Variants in SCN11A observed in about 807,000 individuals in gnomAD.
The protein encoded by SCN11A is sodium voltage-gated channel alpha subunit 11.
Under a neutral mutation model 162.2 loss-of-function variants are expected in SCN11A, and 122 were observed. That is an observed-to-expected ratio of 0.75 (90% CI 0.65 to 0.87). The LOEUF is 0.87. Ranked by LOEUF, SCN11A falls within the 40% of genes least tolerant of loss-of-function variation. SCN11A has a pLI of 0.00. For missense variants in SCN11A, 2,015 were observed against 2,181.6 expected (o/e 0.92, Z 1.52); for synonymous variants, 758 against 751.5 (o/e 1.01, Z -0.14).
At chr3:39,032,820 C>A (rs1356276774) in intron 1 of SCN11A, among the ~76,000 whole-genome samples, 1 of 152,028 alleles carries the variant, frequency 6.6e-6, no homozygotes, top group African/African-American at 2.4e-5. Context: ...GAAATGGGTA[C>A]CATTTTTATT....
At chr3:39,037,027 T>C (rs1426889422) in intron 1 of SCN11A, among the ~76,000 whole-genome samples, 2 of 152,232 alleles carry the variant, frequency 1.3e-5, no homozygotes, top group Non-Finnish European at 2.9e-5. Context: ...TGCACTCTCA[T>C]GTTTATTGCA....
intron 2 of SCN11A, among the ~76,000 whole-genome samples, chr3:38,999,012 CT>C (rs2030733152): frequency 6.6e-6 from 1 of 151,824 alleles, no homozygotes; most frequent in Non-Finnish European, 1.5e-5. Context: ...ACATATGTAA[CT>C]AACCTGCACG....
intron 5 of SCN11A, among the ~76,000 whole-genome samples, chr3:38,949,696 G>A (rs1372014422): frequency 6.6e-6 from 1 of 152,116 alleles, no homozygotes; most frequent in African/African-American, 2.4e-5. Context: ...GGAACATCAG[G>A]CATTATTTCT....
intron 7 of SCN11A, among the ~76,000 whole-genome samples, chr3:38,928,812 T>A (rs1242776192): frequency 6.6e-6 from 1 of 152,150 alleles, no homozygotes; most frequent in Non-Finnish European, 1.5e-5. Flanking sequence ...TGTGAAGAAA[T>A]GGGAACACTT....
At chr3:39,050,977 G>A (rs2032341611) in intron 1 of SCN11A, among the ~76,000 whole-genome samples, 1 of 152,120 alleles carries the variant, frequency 6.6e-6, no homozygotes, top group African/African-American at 2.4e-5. Context: ...ATCACCCTCA[G>A]CTCTTATAAT....
At chr3:38,880,226 A>G (rs1237020795) in intron 22 of SCN11A, 103 bp from the exon 23 acceptor site, 1 of 763,506 alleles carries the variant, frequency 1.3e-6, no homozygotes, top group Admixed American at 2.8e-5. Flanking sequence ...AAAAACTGGT[A>G]TCTCTCTTCG....
intron 2 of SCN11A, among the ~76,000 whole-genome samples, chr3:39,018,014 T>C (rs1007391414): frequency 1.3e-5 from 2 of 152,256 alleles, no homozygotes; most frequent in Non-Finnish European, 2.9e-5. Flanking sequence ...TGTTTCTTTG[T>C]GGTCTTACTT....
At chr3:38,938,290 T>A (rs1031577728) in intron 7 of SCN11A, among the ~76,000 whole-genome samples, 1 of 151,278 alleles carries the variant, frequency 6.6e-6, no homozygotes, top group African/African-American at 2.4e-5. Context: ...AATTGACGAG[T>A]TAATGGGTGC....
chr3:38,871,402 A>G lies in SCN11A; in HGVS notation c.3759+43T>C, dbSNP rs1376568644. On this transcript the variant is annotated intron_variant, in intron 25 of 29. Transcript: ENST00000302328. ...TGAGAAACAATTCATGATTCTCTGA[A>G]GGTTTTTCTCCTCAGAGTGAAAAAC... is the stretch of plus-strand genomic sequence containing the variant. The G allele has an allele frequency of 9.9e-6, 15 of 1,517,540 alleles. No individual in the cohort carries two copies. The African/African-American group carries it at 1.3e-4, about 13-fold the overall frequency. 94.0% of individuals were successfully genotyped at this position (1,517,540 alleles called of 1,614,324 possible).
chr3:39,024,200 TTTTATGTTTAGG>T (rs1170083091), intron 2 of SCN11A, among the ~76,000 whole-genome samples: 1 of 152,190 alleles, frequency 6.6e-6, no homozygotes, highest in African/African-American at 2.4e-5. Context: ...AATCGTTTGT[TTTTATGTTTAGG>T]TTCGATGAAG....
At chr3:38,875,411 A>G (rs1011651450) in intron 23 of SCN11A, among the ~76,000 whole-genome samples, 1 of 152,096 alleles carries the variant, frequency 6.6e-6, no homozygotes, top group Non-Finnish European at 1.5e-5. Context: ...ACTTACCTGC[A>G]AAACCATCTG....
At chr3:38,852,289 G>C (rs977413337) in intron 28 of SCN11A, among the ~76,000 whole-genome samples, 5 of 152,182 alleles carry the variant, frequency 3.3e-5, no homozygotes, top group Non-Finnish European at 4.4e-5. Flanking sequence ...GAAGACACTA[G>C]AAAGTCAAGT....
At chr3:38,887,086 T>C (rs148176325) in intron 19 of SCN11A, among the ~76,000 whole-genome samples, 3 of 152,282 alleles carry the variant, frequency 2.0e-5, no homozygotes, top group East Asian at 1.9e-4. Flanking sequence ...CACATTTATT[T>C]ACCTAAATGC....
At chr3:38,945,303 G>A (rs1051109639) in intron 7 of SCN11A, 108 bp downstream of exon 7, 3 of 685,964 alleles carry the variant, frequency 4.4e-6, no homozygotes, top group South Asian at 3.9e-5. Context: ...GCCAACATAT[G>A]TGTTAGAATT....
chr3:38,850,274 T>C (rs2064753097), intron 29 of SCN11A: 2 of 553,500 alleles, frequency 3.6e-6, no homozygotes, highest in Non-Finnish European at 6.4e-6. Flanking sequence ...TTCAGTTGTG[T>C]AGTGAGTTAA....
chr3:38,863,235 A>G lies in SCN11A; in HGVS notation c.4016T>C (p.Leu1339Ser), dbSNP rs2064992746. ...GGGTTTTTGAGGTTTTTTGGATCCT[A>G]ATTTTTTCATTGCATTATAGTATTT... is the stretch of plus-strand genomic sequence containing the variant. ...QKKYYNAMKK[L>S]GSKKPQKPIP... The change falls in exon 28 of 30, where the codon TTA (leucine) becomes TCA (serine). Residue 1339 changes from leucine to serine, a missense_variant. Leu to Ser is a moderately radical substitution (Grantham distance 145). Coordinates refer to ENST00000302328, the MANE Select transcript of SCN11A (RefSeq NM_001349253.2). 1.2e-6 allele frequency: 2 copies of G among 1,608,500 alleles called. No homozygotes were observed. The highest frequency in any genetic ancestry group is 1.7e-6 in the Non-Finnish European group (2 of 1,175,256).
At position 38,946,873 on chromosome 3, in the gene SCN11A, T is replaced by G. The variant is rs1024513492; in HGVS notation, c.302A>C (p.Tyr101Ser). The change falls in exon 6 of 30, where the codon TAC becomes TCC. Residue 101 changes from tyrosine (Y) to serine (S), a missense_variant. Transcript: ENST00000302328. ...FMVLNRKRTIYRFSAKHALFI... is the reference protein window; with the variant it reads ...FMVLNRKRTISRFSAKHALFI... ...CAAGGCATGCTTGGCACTGAAGCGG[T>G]AGATTGTCCTCTTTCTGTTTAACAC... is the stretch of plus-strand genomic sequence containing the variant. 1 of 1,613,456 alleles carries G rather than the reference T, an allele frequency of 6.2e-7. No individual in the cohort carries two copies. The highest frequency in any genetic ancestry group is 1.3e-5 in the African/African-American group (1 of 75,012).
At chr3:39,040,198 G>T (rs1037653508) in intron 1 of SCN11A, among the ~76,000 whole-genome samples, 4 of 152,218 alleles carry the variant, frequency 2.6e-5, no homozygotes, top group African/African-American at 7.2e-5. Flanking sequence ...AACAGTCTAT[G>T]CCACTGTGGC....
chr3:38,942,191 T>A (rs1052738921), intron 7 of SCN11A, among the ~76,000 whole-genome samples: 1 of 152,160 alleles, frequency 6.6e-6, no homozygotes, highest in Non-Finnish European at 1.5e-5. Flanking sequence ...CTGATAATAG[T>A]GCTTCAAAAT....
Sources: allele counts gnomAD v4.1 joint callset (sites outside exome capture counted in the v4.1 genomes callset), GRCh38; gene constraint gnomAD v4.1.1; transcripts MANE v1.5; gene names NCBI Gene and HGNC (gene_info 2026-07-23, HGNC 2026-07-21).